PTPRN2: variants seen among roughly 807,000 people sequenced by gnomAD.
PTPRN2 encodes the protein protein tyrosine phosphatase receptor type N2.
PTPRN2 carries 74 observed loss-of-function variants against 118.8 expected under a neutral mutation model. The ratio of observed to expected loss-of-function variants is 0.62; its 90% CI spans 0.52 to 0.76. The LOEUF (loss-of-function observed/expected upper bound fraction) is 0.76. Ranked by LOEUF, PTPRN2 falls within the 30% of genes least tolerant of loss-of-function variation. PTPRN2 has a pLI of 0.00. For missense variants in PTPRN2, 1,481 were observed against 1,394.4 expected, an observed-to-expected ratio of 1.06 and a Z score of -0.99; for synonymous variants, 641 against 608.0, an observed-to-expected ratio of 1.05 and a Z score of -0.80.
chr7:158,388,534 G>A (rs1391938593), intron 2 of PTPRN2, among the ~76,000 whole-genome samples: 1 of 152,190 alleles, frequency 6.6e-6, no homozygotes, highest in African/African-American at 2.4e-5. Flanking sequence ...AGGGTGCAGG[G>A]CACACGTCAC....
At position 157,990,559 on chromosome 7, in the gene PTPRN2, C is replaced by T. The variant is rs566986742; in HGVS notation, c.1723+90739G>A. Among the ~76,000 whole-genome samples, 182 of 152,226 alleles carry T rather than the reference C, an allele frequency of 1.2e-3. No homozygotes were observed. Among genetic ancestry groups the T allele is most frequent in the Non-Finnish European group, 2.2e-3 (148 of 68,010 alleles). ...TGGCAAGTTCTGGGCAGGGGGAGAG[C>T]GACACAAGGCAAGGGAGGAGACATC... On this transcript the variant is annotated intron_variant, in intron 11 of 22. Transcript: ENST00000389418. The surrounding 1 kb of genome is among the most constrained non-coding windows in gnomAD (Gnocchi z 4.3).
chr7:158,147,963 GGT>G (rs1820367220), intron 6 of PTPRN2, among the ~76,000 whole-genome samples: 1 of 16,038 alleles, frequency 6.2e-5, no homozygotes, highest in Non-Finnish European at 1.2e-4. Flanking sequence ...TCTCACGCCA[GGT>G]GTCTTTCCCC....
intron 6 of PTPRN2, among the ~76,000 whole-genome samples, chr7:158,157,066 C>T (rs1044918643): frequency 2.2e-5 from 3 of 137,654 alleles, no homozygotes; most frequent in African/African-American, 5.6e-5. Flanking sequence ...ACAGCACCCC[C>T]GTTCCATGTA....
intron 12 of PTPRN2, among the ~76,000 whole-genome samples, chr7:157,701,801 A>G (rs1335914432): frequency 6.7e-6 from 1 of 148,348 alleles, no homozygotes; most frequent in African/African-American, 2.5e-5. Flanking sequence ...AGAGCCGGGT[A>G]GGTGCTGGTG....
At chr7:157,722,863 A>G (rs1799321963) in intron 12 of PTPRN2, among the ~76,000 whole-genome samples, 1 of 152,090 alleles carries the variant, frequency 6.6e-6, no homozygotes, top group South Asian at 2.1e-4. Flanking sequence ...ATGTGGGGCC[A>G]TGCTTGGTGG....
intron 13 of PTPRN2, among the ~76,000 whole-genome samples, chr7:157,667,808 ACT>A (rs1585207124): frequency 6.6e-6 from 1 of 152,162 alleles, no homozygotes; most frequent in East Asian, 1.9e-4. Flanking sequence ...AGGCGCAGAA[ACT>A]CTCCATCAGG....
chr7:158,238,403 G>A (rs773706134), intron 3 of PTPRN2, among the ~76,000 whole-genome samples: 14 of 152,024 alleles, frequency 9.2e-5, no homozygotes, highest in South Asian at 4.2e-4. Context: ...GGCGAGACGC[G>A]GGGCACAGGA....
rs529514582 is a variant in PTPRN2 at position 158,263,570 on chromosome 7, TTGTG to T, written c.277+53245_277+53248del. On this transcript the variant is annotated intron_variant, in intron 3 of 22. Transcript: ENST00000389418. ...CTGGAGGACTTTGCCCCACCGTTGT[TTGTG>T]TATTTCCCATCGCTCTGCCACAGAG... is the stretch of plus-strand genomic sequence containing the variant. 1.5e-3 allele frequency among the ~76,000 whole-genome samples: 233 copies of T among 152,346 alleles called. 1 individual carries two copies. The highest frequency in any genetic ancestry group is 4.8e-3 in the African/African-American group (198 of 41,588).
intron 16 of PTPRN2, among the ~76,000 whole-genome samples, chr7:157,597,554 CATTT>C (rs1296053869): frequency 1.3e-5 from 2 of 151,968 alleles, no homozygotes; most frequent in Non-Finnish European, 2.9e-5. Context: ...CAAACTAGCA[CATTT>C]AGTTGCTTTC....
Position 157,682,876 on chromosome 7 carries a change from G to A in PTPRN2, c.1850C>T (p.Ala617Val), listed in dbSNP as rs753849491. ...GCAGGCGAGGGAGACCAGGGTGAGC[G>A]CGATGAACTTGGTGGAGTCTTCTTG... is the stretch of plus-strand genomic sequence containing the variant. Reference protein sequence around the residue: ...AEQEDSTKFIALTLVSLACIL... With the variant: ...AEQEDSTKFIVLTLVSLACIL... Residue 617 changes from alanine (A) to valine (V), a missense_variant, in exon 13 of 23, where the codon GCG (alanine) becomes GTG (valine). Ala to Val is a moderately conservative substitution (Grantham distance 64, BLOSUM62 0). Around this residue, in one of 3 missense-constraint regions of PTPRN2, gnomAD observed 1,115 missense variants for 994.2 expected, o/e 1.12. Transcript: ENST00000389418. The A allele has an allele frequency of 6.2e-6, 10 of 1,614,046 alleles. No homozygotes were observed. Among genetic ancestry groups the A allele is most frequent in the East Asian group, 2.2e-5 (1 of 44,892 alleles).
At chr7:157,743,231 A>G (rs1176467805) in intron 12 of PTPRN2, among the ~76,000 whole-genome samples, 1 of 152,226 alleles carries the variant, frequency 6.6e-6, no homozygotes, top group Non-Finnish European at 1.5e-5. Context: ...GACCATCAGC[A>G]AAGGTCAGAG....
intron 1 of PTPRN2, among the ~76,000 whole-genome samples, chr7:158,538,518 T>C (rs1825783113): frequency 1.3e-5 from 2 of 152,188 alleles, no homozygotes; most frequent in African/African-American, 4.8e-5. Flanking sequence ...CTGTGGCTTC[T>C]ATAATGCGTG....
intron 10 of PTPRN2, among the ~76,000 whole-genome samples, chr7:158,097,645 C>T (rs774075121): frequency 3.9e-5 from 6 of 152,312 alleles, no homozygotes; most frequent in African/African-American, 9.6e-5. Flanking sequence ...CCCGAGATTC[C>T]GCGGAAGGCG....
chr7:157,961,033 A>C lies in PTPRN2; in HGVS notation c.1724-62296T>G, dbSNP rs1206265468. On this transcript the variant is annotated intron_variant, in intron 11 of 22. Transcript: ENST00000389418. Reference sequence around the variant, plus strand: ...AAAACAAAAACAAAACAAAACCAAAACAAAACAAAAAACAAGCAAAAACCA... The same window carrying C: ...AAAACAAAAACAAAACAAAACCAAACCAAAACAAAAAACAAGCAAAAACCA... Among the ~76,000 whole-genome samples, 3 of 152,116 alleles carry C rather than the reference A, an allele frequency of 2.0e-5. No individual in the cohort carries two copies. In the East Asian group the frequency reaches 5.8e-4, roughly 29 times the overall value.
chr7:158,499,807 G>GTATA (rs1554518888), intron 1 of PTPRN2, among the ~76,000 whole-genome samples: 4 of 148,974 alleles, frequency 2.7e-5, no homozygotes, highest in South Asian at 2.1e-4. Flanking sequence ...GTGTGTGTGT[G>GTATA]TATATATATA....
chr7:158,525,431 C>T lies in PTPRN2; in HGVS notation c.113-35646G>A, dbSNP rs75558241. Among the ~76,000 whole-genome samples the T allele has an allele frequency of 1.6e-3, 251 of 152,294 alleles. 8 individuals are homozygous for T. In the East Asian group the frequency reaches 0.032, roughly 19 times the overall value. On this transcript the variant is annotated intron_variant, in intron 1 of 22. Coordinates refer to ENST00000389418, the MANE Select transcript of PTPRN2 (RefSeq NM_002847.5). The surrounding 1 kb of genome is among the most constrained non-coding windows in gnomAD (Gnocchi z 4.1). Reference sequence around the variant, plus strand: ...TTCCAGCCTGCCAGCCCCATCCAGACTTAAGGACGGAAAGTGGGACCAAGG... The same window carrying T: ...TTCCAGCCTGCCAGCCCCATCCAGATTTAAGGACGGAAAGTGGGACCAAGG...
intron 3 of PTPRN2, among the ~76,000 whole-genome samples, chr7:158,221,054 A>G (rs1464126258): frequency 6.6e-6 from 1 of 152,202 alleles, no homozygotes; most frequent in Non-Finnish European, 1.5e-5. Flanking sequence ...GAAACCAGAA[A>G]TAAAGCCACA....
intron 11 of PTPRN2, among the ~76,000 whole-genome samples, chr7:158,012,617 A>G (rs1806132844): frequency 6.6e-6 from 1 of 152,222 alleles, no homozygotes; most frequent in African/African-American, 2.4e-5. Context: ...TTTGTTTCTC[A>G]TATAAAAATG....
At position 157,697,719 on chromosome 7, in the gene PTPRN2, T is replaced by G. The variant is rs1392000444; in HGVS notation, c.1789-14782A>C. Among the ~76,000 whole-genome samples, 3 of 143,302 alleles carry G rather than the reference T, an allele frequency of 2.1e-5. No individual in the cohort carries two copies. The South Asian group carries it at 7.1e-4, about 34-fold the overall frequency. The allele number at this position is 143,302 out of a possible 152,430, so 94.0% of individuals were successfully genotyped here. On this transcript the variant is annotated intron_variant, in intron 12 of 22. Coordinates refer to ENST00000389418, the MANE Select transcript of PTPRN2 (RefSeq NM_002847.5). ...TAGCAGAGCCCTCACCGTCTACCCA[T>G]GCATACTGGATCTTGGCAGAGCCCT...
Sources: gnomAD v4.1 joint callset for allele counts (sites outside exome capture counted in the v4.1 genomes callset) on GRCh38, gnomAD v4.1.1 for gene constraint, gnomAD v4.1.1 regional missense constraint, Gnocchi (gnomAD v3.1) non-coding constraint, MANE v1.5 for transcripts, NCBI Gene and HGNC (gene_info 2026-07-23, HGNC 2026-07-21) for gene names.